The following MTCL2 variants were observed in gnomAD, a reference collection of about 807,000 sequenced individuals.
MTCL2 encodes the protein microtubule crosslinking factor 2, also known as microtubule cross-linking factor 2.
the MTCL2 span, chr20:36,786,697 A>G: frequency 4.1e-5 from 60 of 1,452,342 alleles, 1 homozygote; most frequent in Admixed American, 1.1e-3. Flanking sequence ...ATGGACCACC[A>G]TGAGCTGTGT....
At chr20:36,796,459 T>G in the MTCL2 span, among the ~76,000 whole-genome samples, 1 of 152,290 alleles carries the variant, frequency 6.6e-6, no homozygotes, top group East Asian at 1.9e-4. Flanking sequence ...CTTATGGTCT[T>G]GGGGTGGGGG....
chr20:36,791,591 G>T, the MTCL2 span, among the ~76,000 whole-genome samples: 3 of 152,182 alleles, frequency 2.0e-5, no homozygotes, highest in Non-Finnish European at 2.9e-5. Flanking sequence ...GCCATAGACT[G>T]GACCAAGGGG....
the MTCL2 span, chr20:36,810,210 G>A: frequency 7.2e-7 from 1 of 1,387,334 alleles, no homozygotes; most frequent in Admixed American, 2.2e-5. Context: ...ACGATGGGAT[G>A]TTGGACCCAA....
chr20:36,798,305 T>C, the MTCL2 span, among the ~76,000 whole-genome samples: 14 of 152,314 alleles, frequency 9.2e-5, no homozygotes, highest in African/African-American at 3.4e-4. Flanking sequence ...CTGACTCAGG[T>C]GATCCGCCTG....
chr20:36,824,007 G>A, the MTCL2 span, among the ~76,000 whole-genome samples: 1 of 152,156 alleles, frequency 6.6e-6, no homozygotes, highest in Non-Finnish European at 1.5e-5. Context: ...AGTCACAGGA[G>A]TGGGCAGCCT....
At chr20:36,790,251 A>G in the MTCL2 span, among the ~76,000 whole-genome samples, 1 of 151,616 alleles carries the variant, frequency 6.6e-6, no homozygotes, top group Admixed American at 6.6e-5. Context: ...TCAGCCTCCC[A>G]AAGTGCTGGG....
chr20:36,791,437 A>G, the MTCL2 span, among the ~76,000 whole-genome samples: 3 of 152,350 alleles, frequency 2.0e-5, no homozygotes, highest in African/African-American at 7.2e-5. Context: ...TCACCACAGC[A>G]TTATTTGCAG....
the MTCL2 span, among the ~76,000 whole-genome samples, chr20:36,810,706 TTCTCTCTCTCCC>T: frequency 2.9e-4 from 18 of 61,074 alleles, 1 homozygote; most frequent in African/African-American, 1.0e-3. Context: ...CCTCCCCTCC[TTCTCTCTCTCCC>T]TCTCTCTCTC....
At chr20:36,786,658 A>C in the MTCL2 span, 4 of 1,542,936 alleles carry the variant, frequency 2.6e-6, no homozygotes, top group Non-Finnish European at 3.5e-6. Flanking sequence ...GGAGGCAGGG[A>C]GGCAGGAAGT....
chr20:36,777,785 G>A, the MTCL2 span: 1 of 610,652 alleles, frequency 1.6e-6, no homozygotes, highest in East Asian at 3.4e-5. Context: ...CACAGTATTG[G>A]CGGGGGCTGG....
the MTCL2 span, chr20:36,839,533 G>C: frequency 8.8e-7 from 1 of 1,142,466 alleles, no homozygotes; most frequent in South Asian, 1.5e-5. The surrounding 1 kb of genome is among the most constrained non-coding windows in gnomAD (Gnocchi z 5.1). Flanking sequence ...ATGAAGCACC[G>C]TGGGGGACCT....
the MTCL2 span, among the ~76,000 whole-genome samples, chr20:36,861,071 C>G: frequency 2.0e-5 from 3 of 152,328 alleles, no homozygotes; most frequent in East Asian, 3.9e-4. Context: ...TGCAACCCAT[C>G]CCCCTTCACC....
the MTCL2 span, among the ~76,000 whole-genome samples, chr20:36,806,588 T>C: frequency 2.6e-5 from 4 of 152,160 alleles, no homozygotes; most frequent in Non-Finnish European, 2.9e-5. Context: ...GGCATGCTCT[T>C]AGCTCACTGC....
chr20:36,785,320 G>A, the MTCL2 span: 1 of 985,258 alleles, frequency 1.0e-6, no homozygotes, highest in Non-Finnish European at 1.2e-6. Context: ...TGGCAAGAAT[G>A]CATGTTTCAA....
the MTCL2 span, chr20:36,808,606 G>A: frequency 7.4e-6 from 12 of 1,611,850 alleles, no homozygotes; most frequent in African/African-American, 1.5e-4. Flanking sequence ...GCAGGAAGTT[G>A]TGCTTGAATT....
the MTCL2 span, chr20:36,796,798 G>T: frequency 3.7e-6 from 5 of 1,350,446 alleles, no homozygotes; most frequent in East Asian, 2.3e-5. Context: ...AGGTAGAGTG[G>T]GTGCAGGGCG....
the MTCL2 span, among the ~76,000 whole-genome samples, chr20:36,798,761 C>T: frequency 6.8e-4 from 104 of 152,152 alleles, 1 homozygote; most frequent in Non-Finnish European, 1.1e-3. Context: ...CTTCCCCTTC[C>T]CCATCCTGAC....
the MTCL2 span, among the ~76,000 whole-genome samples, chr20:36,824,695 C>T: frequency 1.4e-4 from 22 of 151,866 alleles, no homozygotes; most frequent in Admixed American, 1.4e-3. Flanking sequence ...CTCTGTCACC[C>T]AGGCTGGAGT....
At chr20:36,829,676 A>C in the MTCL2 span, among the ~76,000 whole-genome samples, 5,090 of 151,684 alleles carry the variant, frequency 0.034, 331 homozygotes, top group African/African-American at 0.12. Flanking sequence ...CATAACCACA[A>C]CTGGCTAATT....
Sources: gnomAD v4.1 joint callset for allele counts (sites outside exome capture counted in the v4.1 genomes callset) on GRCh38, gnomAD v4.1.1 for gene constraint, Gnocchi (gnomAD v3.1) non-coding constraint, MANE v1.5 for transcripts, NCBI Gene and HGNC (gene_info 2026-07-23, HGNC 2026-07-21) for gene names.